Variants in AFAP1L1 observed in about 807,000 individuals in gnomAD.
AFAP1L1 encodes the protein actin filament-associated protein 1-like 1.
In AFAP1L1, 77 loss-of-function variants were observed where a neutral mutation model predicts 99.8. The ratio of observed to expected loss-of-function variants is 0.77; its 90% CI spans 0.64 to 0.93. AFAP1L1 has a LOEUF of 0.93. AFAP1L1 is among the 40% of genes least tolerant of loss of function. AFAP1L1 has a pLI of 0.00. For missense variants in AFAP1L1, 893 were observed against 996.8 expected, an observed-to-expected ratio of 0.90 and a Z score of 1.40; for synonymous variants, 373 against 395.3, an observed-to-expected ratio of 0.94 and a Z score of 0.67.
Position 149,322,721 on chromosome 5 carries a change from A to C in AFAP1L1, c.1810+4A>C, listed in dbSNP as rs1037735257. 2.5e-6 allele frequency: 4 copies of C among 1,573,538 alleles called. No homozygotes were observed. In the African/African-American group the frequency reaches 5.4e-5, roughly 21 times the overall value. On this transcript the variant is annotated splice_donor_region_variant and intron_variant, in intron 15 of 18. Transcript: ENST00000296721. ...AAAGTCAAACGCCACGCCTCCAGTG[A>C]GTTGTGTGTGGGCCTCCCCTGCTGA...
At chr5:149,338,519 T>A (rs900870670) in intron 18 of AFAP1L1, among the ~76,000 whole-genome samples, 1 of 152,220 alleles carries the variant, frequency 6.6e-6, no homozygotes, top group Non-Finnish European at 1.5e-5. Flanking sequence ...CAGGTTGGAA[T>A]TGAATTTCAG....
At chr5:149,301,477 A>C (rs1026040152) in intron 4 of AFAP1L1, among the ~76,000 whole-genome samples, 1 of 152,126 alleles carries the variant, frequency 6.6e-6, no homozygotes, top group Non-Finnish European at 1.5e-5. Flanking sequence ...CTGACTGGGA[A>C]GTCACAGTGT....
chr5:149,304,594 C>T (rs1468149798), intron 5 of AFAP1L1, among the ~76,000 whole-genome samples: 1 of 152,204 alleles, frequency 6.6e-6, no homozygotes, highest in African/African-American at 2.4e-5. Context: ...CAGGAAGGGC[C>T]AGGAACCTTG....
At chr5:149,278,574 C>T (rs534138353) in intron 1 of AFAP1L1, among the ~76,000 whole-genome samples, 28 of 152,318 alleles carry the variant, frequency 1.8e-4, no homozygotes, top group African/African-American at 6.7e-4. Flanking sequence ...CTCCCTGCCC[C>T]ATCCCAATGT....
intron 1 of AFAP1L1, among the ~76,000 whole-genome samples, chr5:149,282,337 C>T (rs1438479705): frequency 3.3e-5 from 5 of 151,914 alleles, no homozygotes; most frequent in Admixed American, 6.6e-5. Flanking sequence ...CTTTTCCAGG[C>T]GCCATTCCCT....
intron 17 of AFAP1L1, among the ~76,000 whole-genome samples, 169 bp from the exon 18 acceptor site, chr5:149,335,425 T>G (rs1757377823): frequency 1.3e-5 from 2 of 152,018 alleles, no homozygotes; most frequent in South Asian, 4.2e-4. Context: ...GAGGCAGAGG[T>G]TGCAGTGAGC....
intron 5 of AFAP1L1, among the ~76,000 whole-genome samples, chr5:149,302,835 C>G (rs933593556): frequency 3.9e-5 from 6 of 152,142 alleles, no homozygotes; most frequent in Non-Finnish European, 8.8e-5. Context: ...AGCAGACGCA[C>G]CATGTCAGTG....
chr5:149,273,648 T>A (rs1389108848), intron 1 of AFAP1L1, among the ~76,000 whole-genome samples: 1 of 152,100 alleles, frequency 6.6e-6, no homozygotes, highest in Non-Finnish European at 1.5e-5. Flanking sequence ...TCTAGGCAAG[T>A]GTGAAGAGTG....
intron 9 of AFAP1L1, 97 bp from the exon 10 acceptor site, chr5:149,315,724 G>A: frequency 1.0e-6 from 1 of 953,428 alleles, no homozygotes; most frequent in Non-Finnish European, 1.7e-6. Flanking sequence ...TAATTATCAT[G>A]TGCTGGGGGA....
chr5:149,291,354 C>A (rs1179434797), intron 1 of AFAP1L1, among the ~76,000 whole-genome samples: 1 of 151,600 alleles, frequency 6.6e-6, no homozygotes, highest in Non-Finnish European at 1.5e-5. Context: ...TGGTGAAACC[C>A]CATCTCTACT....
chr5:149,335,873 G>A, intron 18 of AFAP1L1, 151 bp downstream of exon 18: 1 of 1,030,680 alleles, frequency 9.7e-7, no homozygotes, highest in Non-Finnish European at 1.4e-6. Flanking sequence ...CCTCAGAAGG[G>A]GTAATCCTCA....
chr5:149,301,568 A>G (rs1056428625), intron 4 of AFAP1L1, among the ~76,000 whole-genome samples: 1 of 152,144 alleles, frequency 6.6e-6, no homozygotes, highest in Non-Finnish European at 1.5e-5. Flanking sequence ...TTCCGATTGC[A>G]TAACATAAGC....
intron 15 of AFAP1L1, among the ~76,000 whole-genome samples, chr5:149,326,261 G>A (rs542528584): frequency 9.2e-5 from 14 of 152,302 alleles, no homozygotes; most frequent in African/African-American, 1.2e-4. Flanking sequence ...GCCCTCAGCC[G>A]GGCGTGATGG....
chr5:149,284,247 A>G (rs1277549668), intron 1 of AFAP1L1, among the ~76,000 whole-genome samples: 1 of 152,186 alleles, frequency 6.6e-6, no homozygotes, highest in Non-Finnish European at 1.5e-5. Flanking sequence ...CAGTCCTTAC[A>G]GGTTGTGCGG....
intron 18 of AFAP1L1, 135 bp downstream of exon 18, chr5:149,335,857 A>C (rs781207888): frequency 8.3e-7 from 1 of 1,204,062 alleles, no homozygotes; most frequent in Non-Finnish European, 1.2e-6. Context: ...GAAACTCATG[A>C]ACCTTCCTCA....
intron 7 of AFAP1L1, among the ~76,000 whole-genome samples, chr5:149,308,522 ACCT>A (rs1756505087): frequency 6.6e-6 from 1 of 152,214 alleles, no homozygotes; most frequent in African/African-American, 2.4e-5. Flanking sequence ...AAGAAAGAGC[ACCT>A]TTAATTACAA....
At chr5:149,308,442 C>T (rs897555335) in intron 7 of AFAP1L1, among the ~76,000 whole-genome samples, 2 of 152,134 alleles carry the variant, frequency 1.3e-5, no homozygotes, top group Admixed American at 6.5e-5. Flanking sequence ...AAAACTCAAT[C>T]GTTCTATTAC....
At chr5:149,290,113 G>T (rs1315464912) in intron 1 of AFAP1L1, among the ~76,000 whole-genome samples, 4 of 152,134 alleles carry the variant, frequency 2.6e-5, no homozygotes, top group African/African-American at 9.7e-5. Context: ...CACGCCTGTA[G>T]TCCAAGCTAC....
chr5:149,326,546 A>G (rs201458317), intron 15 of AFAP1L1, among the ~76,000 whole-genome samples: 93 of 2,332 alleles, frequency 0.04, no homozygotes, highest in South Asian at 0.2. Flanking sequence ...CGCCAAAAAT[A>G]AAAAAAAAAA....
Sources: gnomAD v4.1 joint callset for allele counts (sites outside exome capture counted in the v4.1 genomes callset) on GRCh38, gnomAD v4.1.1 for gene constraint, MANE v1.5 for transcripts, NCBI Gene and HGNC (gene_info 2026-07-23, HGNC 2026-07-21) for gene names.